RPS27A: variants seen among roughly 807,000 people sequenced by gnomAD.
RPS27A encodes ubiquitin-ribosomal protein eS31 fusion protein.
A neutral mutation model predicts 18.9 loss-of-function variants in RPS27A; 1 was observed. The ratio of observed to expected loss-of-function variants is 0.05; its 90% CI spans 0.02 to 0.25. RPS27A has a LOEUF of 0.25. RPS27A is among the 10% of genes least tolerant of loss of function. The pLI is 1.00. For missense variants in RPS27A, 123 were observed against 187.4 expected, an observed-to-expected ratio of 0.66 and a Z score of 2.01; for synonymous variants, 77 against 63.7, an observed-to-expected ratio of 1.21 and a Z score of -0.99.
chr2:55,233,278 G>A, intron 2 of RPS27A, 85 bp from the exon 3 acceptor site: 1 of 1,148,934 alleles, frequency 8.7e-7, no homozygotes, highest in South Asian at 1.3e-5. Context: ...TCGCTGGTTC[G>A]GTTCAGTGGT....
chr2:55,233,878 C>T (rs1675645612), intron 3 of RPS27A: 1 of 573,244 alleles, frequency 1.7e-6, no homozygotes, highest in Admixed American at 3.0e-5. Flanking sequence ...GATCTGCCCA[C>T]CTCGACCTCC....
chr2:55,235,381 C>A (rs757142904), intron 5 of RPS27A, 47 bp from the exon 6 acceptor site: 11 of 1,604,534 alleles, frequency 6.9e-6, no homozygotes, highest in South Asian at 1.1e-5. Flanking sequence ...AATTAGACTT[C>A]AGAATGTGTT....
chr2:55,235,402 C>CT, intron 5 of RPS27A, 26 bp from the exon 6 acceptor site: 1 of 1,611,284 alleles, frequency 6.2e-7, no homozygotes, highest in Admixed American at 1.7e-5. Context: ...GTAAAATTAT[C>CT]TTAACAGCAG....
intron 4 of RPS27A, chr2:55,234,555 T>A (rs1675696943): frequency 3.6e-6 from 2 of 552,946 alleles, no homozygotes; most frequent in Non-Finnish European, 6.5e-6. Context: ...TAGCAGTAGA[T>A]TTTTAGGTAA....
intron 2 of RPS27A, 183 bp from the exon 3 acceptor site, chr2:55,233,180 C>A: frequency 1.4e-6 from 1 of 690,448 alleles, no homozygotes; most frequent in South Asian, 1.6e-5. Context: ...CCGCTCTGGG[C>A]TGGGGAGATG....
intron 3 of RPS27A, 161 bp downstream of exon 3, chr2:55,233,578 G>T (rs1675615547): frequency 1.5e-6 from 1 of 669,632 alleles, no homozygotes; most frequent in Admixed American, 2.2e-5. Context: ...GGGGAGCACA[G>T]TACCTAGATT....
chr2:55,234,568 C>T, intron 4 of RPS27A: 2 of 565,150 alleles, frequency 3.5e-6, no homozygotes, highest in South Asian at 2.0e-5. Flanking sequence ...TTAGGTAACT[C>T]CTATACTGAT....
Position 55,232,788 on chromosome 2 carries a change from T to C in RPS27A, c.-17-20T>C. The C allele has an allele frequency of 6.3e-7, 1 of 1,598,900 alleles. No individual in the cohort carries two copies. Among genetic ancestry groups the C allele is most frequent in the Non-Finnish European group, 8.5e-7 (1 of 1,170,100 alleles). Reference sequence around the variant, plus strand: ...TGTGATCCCTGACCTAACCTGTCTCTTCCTTTTCCTCAACCTCAGGTGGAG... The same window carrying C: ...TGTGATCCCTGACCTAACCTGTCTCCTCCTTTTCCTCAACCTCAGGTGGAG... On this transcript the variant is annotated intron_variant, in intron 1 of 5. Transcript: ENST00000272317.
chr2:55,233,938 T>TCCCTA (rs1675652117), intron 3 of RPS27A, 181 bp from the exon 4 acceptor site: 3 of 659,184 alleles, frequency 4.6e-6, no homozygotes, highest in Non-Finnish European at 8.4e-6. Flanking sequence ...CCAAGTATTG[T>TCCCTA]CCCTAATATT....
intron 3 of RPS27A, chr2:55,233,623 T>C (rs757971765): frequency 1.0e-5 from 6 of 587,908 alleles, no homozygotes; most frequent in African/African-American, 1.9e-5. Flanking sequence ...TGCGTGAATT[T>C]GGACACTTAT....
intron 4 of RPS27A, 147 bp downstream of exon 4, chr2:55,234,351 AG>A (rs957697026): frequency 6.3e-5 from 43 of 677,638 alleles, no homozygotes; most frequent in African/African-American, 6.1e-4. Flanking sequence ...TCTCAGACTC[AG>A]GTGGTCCTCC....
intron 4 of RPS27A, 57 bp downstream of exon 4, chr2:55,234,261 T>C: frequency 7.7e-7 from 1 of 1,297,636 alleles, no homozygotes; most frequent in Non-Finnish European, 1.1e-6. Context: ...TTGGAAATTT[T>C]TTATTTTACT....
upstream of RPS27A, chr2:55,232,167 T>C (rs758788534): frequency 6.3e-6 from 1 of 158,296 alleles, no homozygotes; most frequent in African/African-American, 2.4e-5. Flanking sequence ...ACATTTGCTC[T>C]AGTCACTTCC....
chr2:55,233,285 TG>T, intron 2 of RPS27A, 77 bp from the exon 3 acceptor site: 1 of 1,220,850 alleles, frequency 8.2e-7, no homozygotes, highest in Non-Finnish European at 1.2e-6. Context: ...TTCGGTTCAG[TG>T]GTAATTGTCA....
Position 55,235,692 on chromosome 2 carries a change from T to C in RPS27A, c.*115T>C, listed in dbSNP as rs1468183175. 2 of 1,181,288 alleles carry C rather than the reference T, an allele frequency of 1.7e-6. No homozygotes were observed. The highest frequency in any genetic ancestry group is 2.5e-6 in the Non-Finnish European group (2 of 807,858). The allele number at this position is 1,181,288 out of a possible 1,614,324, so 73.2% of individuals were successfully genotyped here. A position where few individuals can be genotyped will look rare whatever the true frequency, so the allele number is the denominator to read the frequency against. On this transcript the variant is annotated 3_prime_UTR_variant, in exon 6 of 6. Transcript: ENST00000272317. ...TCACACCATTTCCTTTTAGTAGTGC[T>C]ACTGCTATCGCTGTGTGAATGTTGC...
In RPS27A at chr2:55,235,296, T is replaced by A. The variant is rs182935100; in HGVS notation, c.322-132T>A. On this transcript the variant is annotated intron_variant, in intron 5 of 5. Coordinates refer to ENST00000272317, the MANE Select transcript of RPS27A (RefSeq NM_002954.6). ...GTAGCAATGATAACTGGTGAGAATT[T>A]AGGGTGCTTTGGTTTGTAAGCACCA... The A allele has an allele frequency of 3.0e-6, 3 of 998,070 alleles. No homozygotes were observed. The African/African-American group carries it at 4.8e-5, about 16-fold the overall frequency. 61.8% of individuals were successfully genotyped at this position (998,070 alleles called of 1,614,324 possible). A position where few individuals can be genotyped will look rare whatever the true frequency, so the allele number is the denominator to read the frequency against.
chr2:55,233,271 C>G, intron 2 of RPS27A, 92 bp from the exon 3 acceptor site: 1 of 1,089,832 alleles, frequency 9.2e-7, no homozygotes, highest in Non-Finnish European at 1.4e-6. Context: ...AGCCCTGTCG[C>G]TGGTTCGGTT....
At chr2:55,232,592 G>C (rs938399911), upstream of RPS27A, 1 of 593,152 alleles carries the variant, frequency 1.7e-6, no homozygotes, top group Non-Finnish European at 3.0e-6. Flanking sequence ...TTGGATTGTC[G>C]CTGGGACGGC....
Position 55,235,773 on chromosome 2 carries a change from G to A in RPS27A, c.*196G>A, listed in dbSNP as rs924640685. On this transcript the variant is annotated 3_prime_UTR_variant, in exon 6 of 6. Transcript: ENST00000272317. ...TATACCTGCCAGGTGCCAACCACTT[G>A]TAAAGGTCTTGATATTTTCAATTCT... 3 of 628,298 alleles carry A rather than the reference G, an allele frequency of 4.8e-6. No individual in the cohort carries two copies. Among genetic ancestry groups the A allele is most frequent in the Admixed American group, 5.3e-5 (2 of 37,712 alleles). The allele number at this position is 628,298 out of a possible 1,614,324, so 38.9% of individuals were successfully genotyped here.
Sources: allele counts gnomAD v4.1 joint callset, GRCh38; gene constraint gnomAD v4.1.1; transcripts MANE v1.5; gene names NCBI Gene and HGNC (gene_info 2026-07-23, HGNC 2026-07-21).